TNR: variants seen among roughly 807,000 people sequenced by gnomAD.
The protein encoded by TNR is tenascin-R.
TNR carries 45 observed loss-of-function variants against 150.4 expected under a neutral mutation model. The ratio of observed to expected loss-of-function variants is 0.30; its 90% CI spans 0.24 to 0.38. TNR has a LOEUF of 0.38. TNR is among the 10% of genes least tolerant of loss of function. The probability of loss-of-function intolerance (pLI) is 1.00; values close to 1 mark genes in which losing one functional copy is unlikely to be tolerated. For synonymous variants in TNR, 687 were observed against 678.4 expected, an observed-to-expected ratio of 1.01 and a Z score of -0.20; for missense variants, 1,544 against 1,759.1, an observed-to-expected ratio of 0.88 and a Z score of 2.19.
chr1:175,512,263 G>A (rs1356386675), intron 2 of TNR, among the ~76,000 whole-genome samples: 1 of 152,152 alleles, frequency 6.6e-6, no homozygotes, highest in African/African-American at 2.4e-5. Flanking sequence ...AGGCAGGAGA[G>A]GCATCATCTT....
intron 1 of TNR, among the ~76,000 whole-genome samples, chr1:175,712,212 G>A (rs1244006180): frequency 6.6e-6 from 1 of 152,070 alleles, no homozygotes; most frequent in Admixed American, 6.6e-5. Context: ...CACAGATGAG[G>A]CATCTTAGGC....
At chr1:175,498,521 C>G (rs1412351397) in intron 2 of TNR, among the ~76,000 whole-genome samples, 1 of 152,206 alleles carries the variant, frequency 6.6e-6, no homozygotes, top group African/African-American at 2.4e-5. Context: ...TATGAGAGAG[C>G]AAAATAGCCT....
intron 2 of TNR, among the ~76,000 whole-genome samples, chr1:175,490,601 C>CA (rs1658205922): frequency 6.6e-6 from 1 of 151,850 alleles, no homozygotes; most frequent in African/African-American, 2.4e-5. Context: ...TTCATGTGGC[C>CA]AAAAAACATA....
intron 18 of TNR, 58 bp downstream of exon 18, chr1:175,354,333 G>T: frequency 6.3e-7 from 1 of 1,594,972 alleles, no homozygotes. Flanking sequence ...AGAGGCTGCT[G>T]ATGAGCCAAA....
chr1:175,527,565 C>T (rs859365), intron 2 of TNR, among the ~76,000 whole-genome samples: 15 of 151,988 alleles, frequency 9.9e-5, no homozygotes, highest in East Asian at 3.9e-4. Context: ...CAATAAAAAA[C>T]GGCCACACCT....
chr1:175,579,642 G>A (rs1662268608), intron 1 of TNR, among the ~76,000 whole-genome samples: 1 of 151,086 alleles, frequency 6.6e-6, no homozygotes, highest in Non-Finnish European at 1.5e-5. Flanking sequence ...ACCCACTGAG[G>A]TTTTGAGGAG....
intron 9 of TNR, among the ~76,000 whole-genome samples, chr1:175,370,168 C>T (rs1428628905): frequency 2.0e-5 from 3 of 152,052 alleles, no homozygotes; most frequent in African/African-American, 4.8e-5. Flanking sequence ...GATTACTTAA[C>T]ATCTATGAAC....
chr1:175,688,686 T>A (rs1348563238), intron 1 of TNR, among the ~76,000 whole-genome samples: 1 of 152,198 alleles, frequency 6.6e-6, no homozygotes, highest in Non-Finnish European at 1.5e-5. Context: ...CTGGCTGGAT[T>A]TAACAGAATT....
At chr1:175,482,838 C>G (rs896611198) in intron 2 of TNR, among the ~76,000 whole-genome samples, 1 of 152,174 alleles carries the variant, frequency 6.6e-6, no homozygotes. Context: ...GAAATTCAAG[C>G]CTGTCACCCT....
At chr1:175,479,426 G>C (rs907028769) in intron 2 of TNR, among the ~76,000 whole-genome samples, 29 of 152,296 alleles carry the variant, frequency 1.9e-4, no homozygotes, top group African/African-American at 5.5e-4. Flanking sequence ...ATCTTCAGAT[G>C]ATTAGGCTGC....
At chr1:175,360,345 G>A (rs988740200) in intron 14 of TNR, among the ~76,000 whole-genome samples, 1 of 152,172 alleles carries the variant, frequency 6.6e-6, no homozygotes, top group African/African-American at 2.4e-5. Flanking sequence ...CTGCTCACAA[G>A]TCTCACTCAG....
At chr1:175,336,148 A>C (rs1650240322) in intron 19 of TNR, among the ~76,000 whole-genome samples, 1 of 152,256 alleles carries the variant, frequency 6.6e-6, no homozygotes, top group Admixed American at 6.5e-5. Flanking sequence ...TCTCAAACGA[A>C]TCTTTTGCAC....
At chr1:175,624,122 A>G (rs1486539079) in intron 1 of TNR, among the ~76,000 whole-genome samples, 2 of 152,220 alleles carry the variant, frequency 1.3e-5, no homozygotes, top group African/African-American at 2.4e-5. Context: ...AGATTCATTC[A>G]TAGAAAATCT....
At chr1:175,676,516 C>A (rs542178739) in intron 1 of TNR, among the ~76,000 whole-genome samples, 5 of 152,200 alleles carry the variant, frequency 3.3e-5, no homozygotes, top group African/African-American at 1.2e-4. Context: ...GTTGGGACAG[C>A]TGGCAGAACT....
intron 1 of TNR, among the ~76,000 whole-genome samples, chr1:175,607,139 CTTCT>C (rs1260029945): frequency 2.0e-5 from 3 of 152,162 alleles, no homozygotes; most frequent in African/African-American, 7.2e-5. Context: ...CTTTCTATTT[CTTCT>C]TTCTTTATCT....
rs527277777 is a variant in TNR at position 175,420,206 on chromosome 1, C to G, written c.-63-13429G>C. On this transcript the variant is annotated intron_variant, in intron 2 of 22. Transcript: ENST00000367674. ...AGACCTGACCACCTGGACACAGTTC[C>G]CTCACTGACCAACCCGTGGCTGTCC... 7.9e-5 allele frequency among the ~76,000 whole-genome samples: 12 copies of G among 152,314 alleles called. No individual in the cohort carries two copies. The South Asian group carries it at 2.5e-3, about 32-fold the overall frequency.
At chr1:175,681,191 T>G (rs2101910282) in intron 1 of TNR, among the ~76,000 whole-genome samples, 1 of 152,278 alleles carries the variant, frequency 6.6e-6, no homozygotes, top group South Asian at 2.1e-4. Context: ...GTAGGCATGC[T>G]TTTCATTGTG....
chr1:175,649,742 A>G (rs1223488845), intron 1 of TNR, among the ~76,000 whole-genome samples: 1 of 152,002 alleles, frequency 6.6e-6, no homozygotes, highest in East Asian at 1.9e-4. Flanking sequence ...TGCAGCCCTT[A>G]TCTTCCTCTG....
chr1:175,648,992 G>T (rs981611138), intron 1 of TNR, among the ~76,000 whole-genome samples: 3 of 152,126 alleles, frequency 2.0e-5, no homozygotes, highest in African/African-American at 7.2e-5. Flanking sequence ...CATCCAAACT[G>T]CATCCTTGCC....
Sources: gnomAD v4.1 joint callset for allele counts (sites outside exome capture counted in the v4.1 genomes callset) on GRCh38, gnomAD v4.1.1 for gene constraint, MANE v1.5 for transcripts, NCBI Gene and HGNC (gene_info 2026-07-23, HGNC 2026-07-21) for gene names.